The following PKNOX2 variants were observed in gnomAD, a reference collection of about 807,000 sequenced individuals.
PKNOX2 encodes PBX/knotted 1 homeobox 2, also known as homeobox protein PKNOX2.
Under a neutral mutation model 53.1 loss-of-function variants are expected in PKNOX2, and 14 were observed. The observed-to-expected ratio is 0.26, with a 90% CI of 0.17 to 0.41. The LOEUF (loss-of-function observed/expected upper bound fraction) is 0.41, where lower values mean the gene tolerates loss of function less well. PKNOX2 is among the 10% of genes least tolerant of loss of function. The pLI is 1.00. For synonymous variants in PKNOX2, 257 were observed against 242.8 expected, an observed-to-expected ratio of 1.06 and a Z score of -0.54; for missense variants, 496 against 602.8, an observed-to-expected ratio of 0.82 and a Z score of 1.85.
intron 6 of PKNOX2, among the ~76,000 whole-genome samples, chr11:125,386,896 T>C (rs925132565): frequency 2.0e-5 from 3 of 150,904 alleles, no homozygotes; most frequent in African/African-American, 7.3e-5. Context: ...AGAAGCTTTG[T>C]GAAGTGTCAT....
Position 125,358,856 on chromosome 11 carries a change from C to T in PKNOX2, c.87+7464C>T, listed in dbSNP as rs562888431. ...TCATTTAACATGTGGGAGTACACTG[C>T]GGGCAGGCATGGGAGCTGGGAGACC... On this transcript the variant is annotated intron_variant, in intron 4 of 12. Coordinates refer to ENST00000298282, the MANE Select transcript of PKNOX2 (RefSeq NM_001382323.2). 1.6e-4 allele frequency among the ~76,000 whole-genome samples: 25 copies of T among 152,318 alleles called. No homozygotes were observed. The South Asian group carries it at 1.7e-3, about 10-fold the overall frequency.
chr11:125,225,417 A>G (rs1203753915), intron 1 of PKNOX2, among the ~76,000 whole-genome samples: 1 of 152,220 alleles, frequency 6.6e-6, no homozygotes, highest in African/African-American at 2.4e-5. Flanking sequence ...GGACTTCTCT[A>G]AGTAAGTCTC....
chr11:125,309,046 TG>T (rs1361301017), intron 2 of PKNOX2, among the ~76,000 whole-genome samples: 8 of 152,222 alleles, frequency 5.3e-5, no homozygotes, highest in African/African-American at 1.9e-4. Flanking sequence ...TCCTCCTGTG[TG>T]GTCTGAACCA....
chr11:125,297,979 A>G (rs1161983697), intron 2 of PKNOX2, among the ~76,000 whole-genome samples: 3 of 152,158 alleles, frequency 2.0e-5, no homozygotes, highest in Non-Finnish European at 4.4e-5. Context: ...ACATCCTGGG[A>G]CCTGTCATAT....
chr11:125,221,187 A>T (rs889223074), intron 1 of PKNOX2, among the ~76,000 whole-genome samples: 1 of 151,994 alleles, frequency 6.6e-6, no homozygotes, highest in Middle Eastern at 3.2e-3. Context: ...TCACCATCTA[A>T]TTGGCTCTGC....
At chr11:125,356,959 G>A (rs1951651787) in intron 4 of PKNOX2, among the ~76,000 whole-genome samples, 1 of 152,368 alleles carries the variant, frequency 6.6e-6, no homozygotes, top group South Asian at 2.1e-4. Context: ...GGAGCCCCCT[G>A]CCTTGCAGGG....
At chr11:125,292,583 C>G (rs1216468602) in intron 2 of PKNOX2, among the ~76,000 whole-genome samples, 2 of 152,318 alleles carry the variant, frequency 1.3e-5, no homozygotes, top group African/African-American at 4.8e-5. Flanking sequence ...ATCCTTGGCT[C>G]TTGCTACAAG....
chr11:125,412,249 G>T (rs907900995), intron 10 of PKNOX2, among the ~76,000 whole-genome samples: 1 of 152,146 alleles, frequency 6.6e-6, no homozygotes, highest in African/African-American at 2.4e-5. Flanking sequence ...CGCTCACCGT[G>T]CCCCTCTCCC....
chr11:125,419,095 C>A (rs1171291092), intron 10 of PKNOX2, among the ~76,000 whole-genome samples: 1 of 151,916 alleles, frequency 6.6e-6, no homozygotes, highest in Non-Finnish European at 1.5e-5. Flanking sequence ...GGCAATGTTT[C>A]TTAGAAACCA....
At chr11:125,167,517 A>G (rs1179473537) in intron 1 of PKNOX2, among the ~76,000 whole-genome samples, 1 of 152,190 alleles carries the variant, frequency 6.6e-6, no homozygotes, top group African/African-American at 2.4e-5. Flanking sequence ...TGTGAGCGGG[A>G]AAGGCTTGAA....
At chr11:125,380,904 G>A (rs903949486) in intron 5 of PKNOX2, among the ~76,000 whole-genome samples, 2 of 152,220 alleles carry the variant, frequency 1.3e-5, no homozygotes, top group Admixed American at 6.5e-5. Flanking sequence ...ATGTTGGAGG[G>A]TAGCTTAGAC....
At chr11:125,377,312 A>T (rs1952900908) in intron 5 of PKNOX2, among the ~76,000 whole-genome samples, 1 of 152,202 alleles carries the variant, frequency 6.6e-6, no homozygotes, top group Non-Finnish European at 1.5e-5. Context: ...AGTGAGGTCA[A>T]GGAAGAAACC....
intron 1 of PKNOX2, among the ~76,000 whole-genome samples, chr11:125,189,455 ATATATATATAT>A (rs1956726030): frequency 1.2e-5 from 1 of 80,498 alleles, no homozygotes; most frequent in African/African-American, 6.4e-5. Context: ...GTGTATATAT[ATATATATATAT>A]ATATATATAT....
intron 7 of PKNOX2, among the ~76,000 whole-genome samples, chr11:125,404,526 C>T (rs749102549): frequency 7.2e-5 from 11 of 152,248 alleles, no homozygotes; most frequent in South Asian, 4.2e-4. Flanking sequence ...TCTGCCAGAA[C>T]GGAGGGATGC....
At chr11:125,288,320 C>G (rs1307822117) in intron 2 of PKNOX2, among the ~76,000 whole-genome samples, 3 of 152,044 alleles carry the variant, frequency 2.0e-5, no homozygotes, top group African/African-American at 7.2e-5. Flanking sequence ...CCCGAGATCA[C>G]TACATAAAAA....
intron 2 of PKNOX2, among the ~76,000 whole-genome samples, chr11:125,254,429 G>A (rs56166618): frequency 0.26 from 39,511 of 151,926 alleles, 5,825 homozygotes; most frequent in Non-Finnish European, 0.33. Context: ...AGGGGAGAAA[G>A]AAAAGGGAAT....
At chr11:125,369,237 G>A (rs1307721426) in intron 5 of PKNOX2, among the ~76,000 whole-genome samples, 1 of 152,220 alleles carries the variant, frequency 6.6e-6, no homozygotes, top group Non-Finnish European at 1.5e-5. Context: ...GGCCTCCCAG[G>A]CCCAGGAGAG....
At chr11:125,167,646 T>C (rs1222590456) in intron 1 of PKNOX2, among the ~76,000 whole-genome samples, 1 of 152,230 alleles carries the variant, frequency 6.6e-6, no homozygotes, top group Non-Finnish European at 1.5e-5. Context: ...ATACCCAACT[T>C]GAGACTGGCT....
At chr11:125,267,436 T>A (rs1303257489) in intron 2 of PKNOX2, among the ~76,000 whole-genome samples, 1 of 152,204 alleles carries the variant, frequency 6.6e-6, no homozygotes, top group African/African-American at 2.4e-5. Context: ...CTGGGCCATC[T>A]CTTTCCTTGC....
Sources: allele counts gnomAD v4.1 joint callset (sites outside exome capture counted in the v4.1 genomes callset), GRCh38; gene constraint gnomAD v4.1.1; transcripts MANE v1.5; gene names NCBI Gene and HGNC (gene_info 2026-07-23, HGNC 2026-07-21).